Variants in PDLIM1 observed in about 807,000 individuals in gnomAD.
PDLIM1 encodes PDZ and LIM domain protein 1.
PDLIM1 carries 25 observed loss-of-function variants against 35.2 expected under a neutral mutation model. That is an observed-to-expected ratio of 0.71 (90% confidence interval 0.52 to 0.99). PDLIM1 has a LOEUF of 0.99. Among genes scored for constraint, PDLIM1 ranks in the 50% least tolerant of loss-of-function variants. The probability of loss-of-function intolerance (pLI) is 0.00; values close to 1 mark genes in which losing one functional copy is unlikely to be tolerated. For synonymous variants in PDLIM1, 152 were observed against 154.0 expected, an observed-to-expected ratio of 0.99 and a Z score of 0.10; for missense variants, 363 against 415.3, an observed-to-expected ratio of 0.87 and a Z score of 1.09.
Position 95,264,067 on chromosome 10 carries a change from C to T in PDLIM1, c.334-4G>A, listed in dbSNP as rs762576515. ...CGCTTCCTATGTGCAGGACCTCCTGCAGGCAGGGATCAGAGGAGAAATCAA... is the reference window on the plus strand; with the variant it reads ...CGCTTCCTATGTGCAGGACCTCCTGTAGGCAGGGATCAGAGGAGAAATCAA... On this transcript the variant is annotated splice_polypyrimidine_tract_variant and splice_region_variant and intron_variant, in intron 3 of 6. Coordinates refer to ENST00000329399, the MANE Select transcript of PDLIM1 (RefSeq NM_020992.4). The T allele has an allele frequency of 1.9e-6, 3 of 1,609,440 alleles. No homozygotes were observed. Among genetic ancestry groups the T allele is most frequent in the Non-Finnish European group, 2.5e-6 (3 of 1,176,596 alleles).
intron 1 of PDLIM1, among the ~76,000 whole-genome samples, chr10:95,281,440 T>G (rs935853814): frequency 9.9e-5 from 15 of 152,108 alleles, no homozygotes; most frequent in Admixed American, 5.2e-4. Context: ...TAGCCAGGCA[T>G]GTAGTCCCAG....
At chr10:95,246,545 G>A (rs1470462311) in intron 5 of PDLIM1, among the ~76,000 whole-genome samples, 2 of 152,168 alleles carry the variant, frequency 1.3e-5, no homozygotes, top group Admixed American at 6.5e-5. Flanking sequence ...ACTATGAAGC[G>A]AGTACTCAGT....
intron 1 of PDLIM1, among the ~76,000 whole-genome samples, chr10:95,277,080 T>C (rs1244126338): frequency 4.6e-5 from 7 of 151,680 alleles, no homozygotes; most frequent in Admixed American, 3.3e-4. Flanking sequence ...CCAGGTGTGG[T>C]GGCACACGCC....
At chr10:95,282,953 G>A (rs952114453) in intron 1 of PDLIM1, among the ~76,000 whole-genome samples, 4 of 152,026 alleles carry the variant, frequency 2.6e-5, no homozygotes, top group African/African-American at 7.2e-5. Flanking sequence ...AGAAGTCGTC[G>A]AGTTCCTCAA....
intron 5 of PDLIM1, among the ~76,000 whole-genome samples, chr10:95,244,723 A>G (rs943652398): frequency 2.6e-5 from 4 of 152,152 alleles, no homozygotes; most frequent in Admixed American, 2.0e-4. Context: ...AACATGGAGA[A>G]ACCCCATCTC....
intron 1 of PDLIM1, among the ~76,000 whole-genome samples, chr10:95,279,544 T>G (rs1186016551): frequency 1.3e-5 from 2 of 152,110 alleles, no homozygotes; most frequent in Admixed American, 1.3e-4. Flanking sequence ...AGGGTGCCAG[T>G]TTTTAGGGGA....
intron 4 of PDLIM1, among the ~76,000 whole-genome samples, chr10:95,258,030 T>C (rs928258317): frequency 2.0e-5 from 3 of 152,134 alleles, no homozygotes; most frequent in Non-Finnish European, 2.9e-5. Flanking sequence ...ACAATCATGG[T>C]GGAAGGAGGA....
intron 1 of PDLIM1, among the ~76,000 whole-genome samples, chr10:95,272,327 TCA>T (rs368337968): frequency 4.4e-4 from 67 of 152,350 alleles, no homozygotes; most frequent in African/African-American, 1.5e-3. Flanking sequence ...ACTAAATTGT[TCA>T]CAGTTATACA....
intron 4 of PDLIM1, among the ~76,000 whole-genome samples, chr10:95,255,901 AC>A (rs2035307572): frequency 6.1e-5 from 1 of 16,336 alleles, no homozygotes; most frequent in African/African-American, 1.7e-4. Flanking sequence ...CCCCCCCACT[AC>A]ACACACACAC....
intron 5 of PDLIM1, among the ~76,000 whole-genome samples, chr10:95,242,835 A>G (rs2035189828): frequency 6.6e-6 from 1 of 152,166 alleles, no homozygotes; most frequent in Non-Finnish European, 1.5e-5. Context: ...TTTCTGGCTG[A>G]TGAAGCCATC....
At chr10:95,267,134 A>G (rs544872089) in intron 3 of PDLIM1, among the ~76,000 whole-genome samples, 33 of 152,374 alleles carry the variant, frequency 2.2e-4, no homozygotes, top group African/African-American at 7.5e-4. Flanking sequence ...CAAGAAAAAT[A>G]CAAGGGTTTA....
At chr10:95,274,532 G>C (rs1185248721) in intron 1 of PDLIM1, among the ~76,000 whole-genome samples, 1 of 151,810 alleles carries the variant, frequency 6.6e-6, no homozygotes, top group Admixed American at 6.6e-5. Context: ...CCTGACCTCA[G>C]GTGATCCACC....
At chr10:95,253,832 T>A (rs1442620334) in intron 4 of PDLIM1, among the ~76,000 whole-genome samples, 3 of 152,164 alleles carry the variant, frequency 2.0e-5, no homozygotes, top group East Asian at 3.8e-4. Context: ...GGATCTATTT[T>A]AACTATATTG....
intron 4 of PDLIM1, among the ~76,000 whole-genome samples, chr10:95,256,639 G>A (rs1339803609): frequency 6.6e-6 from 1 of 152,146 alleles, no homozygotes; most frequent in Non-Finnish European, 1.5e-5. Context: ...ATATTCACAT[G>A]TAAAAGAATG....
chr10:95,289,488 A>AG (rs1442474792), intron 1 of PDLIM1, among the ~76,000 whole-genome samples: 1 of 152,138 alleles, frequency 6.6e-6, no homozygotes, highest in African/African-American at 2.4e-5. Flanking sequence ...CTACTCTTTT[A>AG]GGGGGGTGAG....
At chr10:95,256,821 A>C (rs1183591027) in intron 4 of PDLIM1, among the ~76,000 whole-genome samples, 3 of 151,842 alleles carry the variant, frequency 2.0e-5, no homozygotes, top group Admixed American at 6.6e-5. Flanking sequence ...AAAACTACAA[A>C]AAAATTAGCC....
At chr10:95,241,294 C>G (rs1448905228) in intron 5 of PDLIM1, among the ~76,000 whole-genome samples, 2 of 152,180 alleles carry the variant, frequency 1.3e-5, no homozygotes, top group African/African-American at 4.8e-5. Context: ...TATGTTGTGT[C>G]TCAAAGTCCT....
chr10:95,251,370 C>T (rs2035266193), intron 4 of PDLIM1, among the ~76,000 whole-genome samples: 1 of 151,802 alleles, frequency 6.6e-6, no homozygotes, highest in Admixed American at 6.6e-5. Context: ...CTCAGGAGTT[C>T]GAGACCAGCC....
chr10:95,244,382 T>C (rs1311030569), intron 5 of PDLIM1, among the ~76,000 whole-genome samples: 1 of 152,220 alleles, frequency 6.6e-6, no homozygotes, highest in Non-Finnish European at 1.5e-5. Context: ...AACAATCCCA[T>C]GAGGTCCTGG....
Sources: allele counts gnomAD v4.1 joint callset (sites outside exome capture counted in the v4.1 genomes callset), GRCh38; gene constraint gnomAD v4.1.1; transcripts MANE v1.5; gene names NCBI Gene and HGNC (gene_info 2026-07-23, HGNC 2026-07-21).